Variants in MAGI2 observed in about 807,000 individuals in gnomAD.
MAGI2 encodes membrane-associated guanylate kinase, WW and PDZ domain-containing protein 2.
MAGI2 carries 35 observed loss-of-function variants against 133.3 expected under a neutral mutation model. The ratio of observed to expected loss-of-function variants is 0.26; its 90% CI spans 0.20 to 0.35. The LOEUF (loss-of-function observed/expected upper bound fraction) is 0.35. MAGI2 is among the 10% of genes least tolerant of loss of function. The pLI is 1.00. For synonymous variants in MAGI2, 729 were observed against 710.6 expected (o/e 1.03, Z -0.41); for missense variants, 1,636 against 1,863.4 (o/e 0.88, Z 2.25).
At chr7:78,523,859 A>G (rs1796720480) in intron 3 of MAGI2, among the ~76,000 whole-genome samples, 4 of 152,158 alleles carry the variant, frequency 2.6e-5, no homozygotes, top group Admixed American at 2.6e-4. Flanking sequence ...AGCCATATCA[A>G]GGGGAAAGGC....
At chr7:78,889,948 G>A (rs1000547193) in intron 2 of MAGI2, among the ~76,000 whole-genome samples, 4 of 152,180 alleles carry the variant, frequency 2.6e-5, no homozygotes, top group Non-Finnish European at 4.4e-5. Flanking sequence ...TGGATAAAGA[G>A]TCAAGACGCA....
chr7:78,235,665 C>T (rs865916708), intron 10 of MAGI2, among the ~76,000 whole-genome samples: 21 of 152,090 alleles, frequency 1.4e-4, no homozygotes, highest in Non-Finnish European at 2.1e-4. Flanking sequence ...CCTGCAGAAC[C>T]GTGAGTCAAT....
chr7:78,592,986 A>G (rs182223867), intron 3 of MAGI2, among the ~76,000 whole-genome samples: 1 of 151,714 alleles, frequency 6.6e-6, no homozygotes, highest in Non-Finnish European at 1.5e-5. Context: ...GGTACTTGCC[A>G]CCACACCAAG....
At chr7:78,393,667 G>C (rs1173256990) in intron 6 of MAGI2, among the ~76,000 whole-genome samples, 1 of 152,214 alleles carries the variant, frequency 6.6e-6, no homozygotes, top group East Asian at 1.9e-4. Flanking sequence ...ACAGTAGGTA[G>C]AGAGAGAAAA....
At chr7:78,174,129 G>T (rs112472791) in intron 14 of MAGI2, among the ~76,000 whole-genome samples, 1 of 152,138 alleles carries the variant, frequency 6.6e-6, no homozygotes, top group African/African-American at 2.4e-5. Flanking sequence ...GAGAAGCTCA[G>T]GTGACAGTTT....
intron 10 of MAGI2, among the ~76,000 whole-genome samples, chr7:78,227,550 C>T (rs1469438367): frequency 6.6e-6 from 1 of 152,196 alleles, no homozygotes; most frequent in Non-Finnish European, 1.5e-5. Flanking sequence ...CCTTTAATCT[C>T]ACCTTCAGGC....
At chr7:78,825,503 C>T (rs1790544494) in intron 2 of MAGI2, among the ~76,000 whole-genome samples, 1 of 152,114 alleles carries the variant, frequency 6.6e-6, no homozygotes, top group African/African-American at 2.4e-5. Flanking sequence ...ATACATTTCT[C>T]ATTTGTGACA....
chr7:78,880,514 A>G (rs952035799), intron 2 of MAGI2, among the ~76,000 whole-genome samples: 1 of 152,192 alleles, frequency 6.6e-6, no homozygotes, highest in African/African-American at 2.4e-5. Flanking sequence ...TCATTTCCAG[A>G]CAAGCAATTG....
chr7:78,188,582 T>C (rs1187074075), intron 12 of MAGI2, among the ~76,000 whole-genome samples: 1 of 152,188 alleles, frequency 6.6e-6, no homozygotes, highest in Non-Finnish European at 1.5e-5. Flanking sequence ...TTTATCACCT[T>C]ATTTTAATAT....
At chr7:79,280,295 G>A (rs1835534490) in intron 1 of MAGI2, among the ~76,000 whole-genome samples, 1 of 152,062 alleles carries the variant, frequency 6.6e-6, no homozygotes, top group Admixed American at 6.6e-5. Flanking sequence ...CAATGAGAGG[G>A]CAAAGCAAAG....
chr7:78,790,407 T>A (rs1827157105), intron 2 of MAGI2, among the ~76,000 whole-genome samples: 1 of 152,068 alleles, frequency 6.6e-6, no homozygotes, highest in Admixed American at 6.6e-5. Context: ...TCTGTTGAAA[T>A]TTAGATCACT....
chr7:78,479,764 G>T (rs1283620101), intron 6 of MAGI2, among the ~76,000 whole-genome samples: 2 of 151,812 alleles, frequency 1.3e-5, no homozygotes, highest in Non-Finnish European at 2.9e-5. Flanking sequence ...GATGAGAAAA[G>T]ACAATAAACT....
intron 2 of MAGI2, among the ~76,000 whole-genome samples, chr7:78,815,004 AG>A (rs1789435157): frequency 6.6e-6 from 1 of 152,326 alleles, no homozygotes; most frequent in South Asian, 2.1e-4. Context: ...CTAAGATTAC[AG>A]GTGAGAGCCA....
chr7:79,004,174 C>T (rs948154396), intron 2 of MAGI2, among the ~76,000 whole-genome samples: 10 of 152,094 alleles, frequency 6.6e-5, no homozygotes, highest in Non-Finnish European at 1.2e-4. Flanking sequence ...GATTGCAGCA[C>T]TATTTACAAT....
At chr7:78,390,989 G>GAA (rs1459360617) in intron 6 of MAGI2, among the ~76,000 whole-genome samples, 9 of 152,116 alleles carry the variant, frequency 5.9e-5, no homozygotes, top group African/African-American at 1.9e-4. Flanking sequence ...GAAATCCCTT[G>GAA]AAATATGCTT....
chr7:78,070,263 A>G (rs1193291343), intron 21 of MAGI2, among the ~76,000 whole-genome samples: 1 of 143,898 alleles, frequency 6.9e-6, no homozygotes, highest in Admixed American at 7.0e-5. Flanking sequence ...TAGGTGCTTT[A>G]TCATTTTCTA....
At chr7:78,926,823 GA>G (rs1799729503) in intron 2 of MAGI2, among the ~76,000 whole-genome samples, 1 of 151,552 alleles carries the variant, frequency 6.6e-6, no homozygotes, top group African/African-American at 2.4e-5. Flanking sequence ...GTTTGGTGGG[GA>G]AAAGGTTTTT....
rs140229411 is a variant in MAGI2, at chr7:78,283,471, G to A, written c.1409-26890C>T. Among the ~76,000 whole-genome samples the A allele has an allele frequency of 5.7e-3, 864 of 152,022 alleles. 5 individuals carry two copies. Among genetic ancestry groups the A allele is most frequent in the African/African-American group, 0.02 (814 of 41,526 alleles). On this transcript the variant is annotated intron_variant, in intron 9 of 21. Transcript: ENST00000354212. ...ACATATCCTTTATTAACCTGAATAA[G>A]TAAATATATGAATAAGTAAATATAC...
chr7:79,273,308 T>C (rs1336417057), intron 1 of MAGI2, among the ~76,000 whole-genome samples: 1 of 152,162 alleles, frequency 6.6e-6, no homozygotes, highest in African/African-American at 2.4e-5. Flanking sequence ...AGAAAATTAG[T>C]ACTGAATCTC....
Sources: gnomAD v4.1 joint callset for allele counts (sites outside exome capture counted in the v4.1 genomes callset) on GRCh38, gnomAD v4.1.1 for gene constraint, MANE v1.5 for transcripts, NCBI Gene and HGNC (gene_info 2026-07-23, HGNC 2026-07-21) for gene names.